The following CAMTA1 variants were observed in gnomAD, a reference collection of about 807,000 sequenced individuals.
CAMTA1 encodes calmodulin binding transcription activator 1, also known as calmodulin-binding transcription activator 1.
A neutral mutation model predicts 170.9 loss-of-function variants in CAMTA1; 27 were observed. The ratio of observed to expected loss-of-function variants is 0.16; its 90% CI spans 0.12 to 0.22. The LOEUF (loss-of-function observed/expected upper bound fraction) is 0.22. Ranked by LOEUF, CAMTA1 falls within the 10% of genes least tolerant of loss-of-function variation. The pLI is 1.00. For missense variants in CAMTA1, 1,619 were observed against 2,217.2 expected (o/e 0.73, Z 5.42); for synonymous variants, 833 against 891.5 (o/e 0.93, Z 1.17).
intron 6 of CAMTA1, among the ~76,000 whole-genome samples, chr1:7,616,565 C>T (rs936319879): frequency 1.5e-4 from 23 of 152,172 alleles, no homozygotes; most frequent in African/African-American, 5.1e-4. Flanking sequence ...AGCCGGGCCT[C>T]GGGGGTGACT....
intron 6 of CAMTA1, among the ~76,000 whole-genome samples, chr1:7,493,099 C>G (rs1052970590): frequency 8.0e-6 from 1 of 124,570 alleles, no homozygotes. Context: ...GCACACAACA[C>G]AAACCTACAT....
At chr1:7,096,647 A>G (rs987293926) in intron 4 of CAMTA1, among the ~76,000 whole-genome samples, 1 of 152,098 alleles carries the variant, frequency 6.6e-6, no homozygotes, top group Admixed American at 6.5e-5. Context: ...ATTAGCCACC[A>G]ACTCCGTCAG....
intron 6 of CAMTA1, among the ~76,000 whole-genome samples, chr1:7,575,290 C>T (rs1007572648): frequency 6.6e-6 from 1 of 152,034 alleles, no homozygotes. Flanking sequence ...TCCTCTACCC[C>T]ACACTGCCCC....
intron 4 of CAMTA1, among the ~76,000 whole-genome samples, chr1:7,211,642 C>T (rs1178390850): frequency 1.3e-5 from 2 of 152,266 alleles, no homozygotes; most frequent in East Asian, 1.9e-4. Context: ...GTCCCAAGGT[C>T]GCCTTCCACT....
At chr1:6,995,043 T>C (rs1696976439) in intron 3 of CAMTA1, among the ~76,000 whole-genome samples, 1 of 152,186 alleles carries the variant, frequency 6.6e-6, no homozygotes, top group Non-Finnish European at 1.5e-5. Flanking sequence ...CTTCAAATTG[T>C]TATTCTGCCA....
chr1:7,736,220 T>C lies in CAMTA1; in HGVS notation c.3067-124T>C. The C allele has an allele frequency of 1.2e-6, 1 of 840,620 alleles. No homozygotes were observed. Among genetic ancestry groups the C allele is most frequent in the Non-Finnish European group, 1.9e-6 (1 of 538,934 alleles). The allele number at this position is 840,620 out of a possible 1,614,324, so 52.1% of individuals were successfully genotyped here. A position where few individuals can be genotyped will look rare whatever the true frequency, so the allele number is the denominator to read the frequency against. On this transcript the variant is annotated intron_variant, in intron 12 of 22. Transcript: ENST00000303635. This position sits in a 1 kb window ranked among gnomAD's most constrained non-coding sequence, Gnocchi z 4.5. ...ATGCCCAGCCAATGTTTCTTTATTT[T>C]CAGTGTTTTATGTTTTCCGTTGTGA... is the stretch of plus-strand genomic sequence containing the variant.
intron 5 of CAMTA1, among the ~76,000 whole-genome samples, chr1:7,256,434 C>T (rs1225589904): frequency 6.6e-6 from 1 of 152,122 alleles, no homozygotes; most frequent in Non-Finnish European, 1.5e-5. Flanking sequence ...GTGGCGGGCA[C>T]CTATAGTCCC....
chr1:7,671,636 C>A (rs1034782359), intron 10 of CAMTA1, among the ~76,000 whole-genome samples: 4 of 152,222 alleles, frequency 2.6e-5, no homozygotes, highest in Non-Finnish European at 5.9e-5. Flanking sequence ...GAATGTAAAA[C>A]AGAGCCATCT....
chr1:7,174,532 G>C (rs1650352443), intron 4 of CAMTA1, among the ~76,000 whole-genome samples: 1 of 152,258 alleles, frequency 6.6e-6, no homozygotes, highest in Non-Finnish European at 1.5e-5. Context: ...GATTCCAGAA[G>C]GGGTGAAGCC....
intron 5 of CAMTA1, among the ~76,000 whole-genome samples, chr1:7,326,874 G>A (rs1034265460): frequency 1.3e-5 from 2 of 152,114 alleles, no homozygotes; most frequent in Non-Finnish European, 2.9e-5. Context: ...GGCTTGTCAG[G>A]GACATAGGAG....
chr1:7,154,396 G>A (rs1168469873), intron 4 of CAMTA1, among the ~76,000 whole-genome samples: 1 of 152,004 alleles, frequency 6.6e-6, no homozygotes, highest in Non-Finnish European at 1.5e-5. Flanking sequence ...TTTTTCCTTT[G>A]TGAGGTCGAT....
At chr1:7,600,880 C>T (rs564909287) in intron 6 of CAMTA1, among the ~76,000 whole-genome samples, 38 of 151,544 alleles carry the variant, frequency 2.5e-4, no homozygotes, top group African/African-American at 8.4e-4. Context: ...CCATGTCTAC[C>T]TCTTTCTACA....
chr1:6,970,371 G>A lies in CAMTA1; in HGVS notation c.235-120933G>A, dbSNP rs1172588506. Among the ~76,000 whole-genome samples the A allele has an allele frequency of 6.6e-6, 1 of 152,194 alleles. No homozygotes were observed. Among genetic ancestry groups the A allele is most frequent in the African/African-American group, 2.4e-5 (1 of 41,444 alleles). ...CCTCCATATGTATTGGAGCCGTGGA[G>A]TGCTCACAGACAGCATTCCAGGAGG... On this transcript the variant is annotated intron_variant, in intron 3 of 22. Transcript: ENST00000303635. This position sits in a 1 kb window ranked among gnomAD's most constrained non-coding sequence, Gnocchi z 4.4.
chr1:7,133,082 C>T (rs1461792476), intron 4 of CAMTA1, among the ~76,000 whole-genome samples: 3 of 151,974 alleles, frequency 2.0e-5, no homozygotes, highest in Admixed American at 6.6e-5. Flanking sequence ...GGTTTTATAT[C>T]GGGGTAATGC....
Position 7,731,968 on chromosome 1 carries a change from A to C in CAMTA1, c.2915-480A>C, listed in dbSNP as rs534477501. Among the ~76,000 whole-genome samples the C allele has an allele frequency of 1.8e-3, 277 of 152,284 alleles. 1 individual carries two copies. The highest frequency in any genetic ancestry group is 6.0e-3 in the African/African-American group (248 of 41,564). On this transcript the variant is annotated intron_variant, in intron 11 of 22. Transcript: ENST00000303635. ...CTTGGCTCAGGAAATAAAATTTAAA[A>C]CAATTTTTTTTTGTAAAAACTCAGT...
At chr1:7,035,398 C>T (rs1572590933) in intron 3 of CAMTA1, among the ~76,000 whole-genome samples, 2 of 139,792 alleles carry the variant, frequency 1.4e-5, no homozygotes, top group Middle Eastern at 7.1e-3. Context: ...GAAACTCGGT[C>T]TCAAAAAAAA....
chr1:7,220,629 C>G (rs1406039945), intron 4 of CAMTA1, among the ~76,000 whole-genome samples: 1 of 152,214 alleles, frequency 6.6e-6, no homozygotes, highest in East Asian at 1.9e-4. Context: ...GGCTCTGTGG[C>G]TTTGGATCTC....
chr1:6,873,253 A>ATTT (rs111838038), intron 3 of CAMTA1, among the ~76,000 whole-genome samples: 1 of 145,044 alleles, frequency 6.9e-6, no homozygotes. Flanking sequence ...TTTTAAGGTG[A>ATTT]TTTTTTTTTT....
At chr1:7,405,172 G>A (rs957151096) in intron 5 of CAMTA1, among the ~76,000 whole-genome samples, 1 of 151,956 alleles carries the variant, frequency 6.6e-6, no homozygotes, top group African/African-American at 2.4e-5. Context: ...CCTCCATGGA[G>A]TCTCTGCATT....
Sources: gnomAD v4.1 joint callset for allele counts (sites outside exome capture counted in the v4.1 genomes callset) on GRCh38, gnomAD v4.1.1 for gene constraint, Gnocchi (gnomAD v3.1) non-coding constraint, MANE v1.5 for transcripts, NCBI Gene and HGNC (gene_info 2026-07-23, HGNC 2026-07-21) for gene names.